MYO3A: variants seen among roughly 807,000 people sequenced by gnomAD.
MYO3A encodes the protein myosin IIIA.
MYO3A carries 180 observed loss-of-function variants against 192.7 expected under a neutral mutation model. The ratio of observed to expected loss-of-function variants is 0.93; its 90% CI spans 0.83 to 1.06. The LOEUF (loss-of-function observed/expected upper bound fraction) is 1.06, where lower values mean the gene tolerates loss of function less well. Ranked by LOEUF, MYO3A falls within the 50% of genes least tolerant of loss-of-function variation. The pLI is 0.00. For missense variants in MYO3A, 1,896 were observed against 1,905.0 expected, an observed-to-expected ratio of 1.00 and a Z score of 0.09; for synonymous variants, 628 against 645.3, an observed-to-expected ratio of 0.97 and a Z score of 0.41.
chr10:26,089,438 A>C (rs1179476633), intron 15 of MYO3A, among the ~76,000 whole-genome samples: 1 of 152,052 alleles, frequency 6.6e-6, no homozygotes, highest in Admixed American at 6.5e-5. Context: ...CATCTCTACT[A>C]AAAATACAAA....
intron 31 of MYO3A, among the ~76,000 whole-genome samples, chr10:26,179,874 C>A (rs1466465382): frequency 3.3e-5 from 5 of 152,184 alleles, no homozygotes; most frequent in Non-Finnish European, 7.3e-5. Context: ...CACTCTTTCA[C>A]CCAGGCTGGA....
In MYO3A at chr10:26,168,879, T is replaced by A; in HGVS notation, c.3274+5T>A. 6.2e-7 allele frequency: 1 copy of A among 1,606,098 alleles called. No homozygotes were observed. The highest frequency in any genetic ancestry group is 8.5e-7 in the Non-Finnish European group (1 of 1,175,642). On this transcript the variant is annotated splice_donor_5th_base_variant and intron_variant, in intron 28 of 34. Coordinates refer to ENST00000642920, the MANE Select transcript of MYO3A (RefSeq NM_017433.5). ...GCGCTATAATAATACAGTCAGGTAA[T>A]CTCTTTGACATATTTAGATATGGTC...
Position 26,023,964 on chromosome 10 carries a change from C to G in MYO3A, c.732-58C>G, listed in dbSNP as rs1842429647. 7 of 1,490,460 alleles carry G rather than the reference C, an allele frequency of 4.7e-6. No individual in the cohort carries two copies. In the Admixed American group the frequency reaches 1.2e-4, roughly 25 times the overall value. The allele number at this position is 1,490,460 out of a possible 1,614,324, so 92.3% of individuals were successfully genotyped here. Reference sequence around the variant, plus strand: ...TGCATTAGTCTATCTGGCTCTGCCTCTCATTTTACACTGACTGACCAATAT... The same window carrying G: ...TGCATTAGTCTATCTGGCTCTGCCTGTCATTTTACACTGACTGACCAATAT... On this transcript the variant is annotated intron_variant, in intron 8 of 34. Transcript: ENST00000642920.
intron 31 of MYO3A, among the ~76,000 whole-genome samples, chr10:26,185,809 G>T (rs1444179030): frequency 6.6e-6 from 1 of 152,020 alleles, no homozygotes; most frequent in Non-Finnish European, 1.5e-5. Context: ...ATACATGTAG[G>T]TGTATATATA....
At chr10:26,115,142 A>G (rs1838424243) in intron 17 of MYO3A, among the ~76,000 whole-genome samples, 2 of 152,184 alleles carry the variant, frequency 1.3e-5, no homozygotes, top group Non-Finnish European at 2.9e-5. Flanking sequence ...CTAGGGGAAT[A>G]GGGGCCATTG....
intron 2 of MYO3A, among the ~76,000 whole-genome samples, chr10:25,947,935 G>A (rs1364445421): frequency 6.6e-6 from 1 of 152,142 alleles, no homozygotes; most frequent in African/African-American, 2.4e-5. Context: ...CATAATTACA[G>A]GAAATTATGT....
chr10:26,069,451 A>G (rs1248027615), intron 12 of MYO3A, among the ~76,000 whole-genome samples: 2 of 152,022 alleles, frequency 1.3e-5, no homozygotes, highest in African/African-American at 4.8e-5. Flanking sequence ...GTTGTTTTTC[A>G]TTTTTAATTG....
intron 24 of MYO3A, among the ~76,000 whole-genome samples, chr10:26,154,164 G>A (rs1432688347): frequency 1.3e-5 from 2 of 151,866 alleles, no homozygotes; most frequent in African/African-American, 4.8e-5. Flanking sequence ...AGTTTTTGGG[G>A]GGCAGTTTTT....
intron 4 of MYO3A, among the ~76,000 whole-genome samples, chr10:25,964,696 G>A (rs1377816771): frequency 6.6e-6 from 1 of 152,040 alleles, no homozygotes; most frequent in Non-Finnish European, 1.5e-5. Flanking sequence ...AGTAAGTTTT[G>A]TACCATCAGA....
chr10:26,186,266 C>CTTTTT (rs35154545), intron 31 of MYO3A, among the ~76,000 whole-genome samples: 6 of 129,724 alleles, frequency 4.6e-5, no homozygotes, highest in Non-Finnish European at 4.9e-5. Flanking sequence ...TGATATCCTT[C>CTTTTT]TTTTTTTTTT....
intron 29 of MYO3A, among the ~76,000 whole-genome samples, chr10:26,171,799 C>T (rs1212486079): frequency 1.3e-5 from 2 of 152,080 alleles, no homozygotes; most frequent in Admixed American, 6.6e-5. Flanking sequence ...GGCTGCAAAT[C>T]GAAGAAAGAT....
At chr10:25,956,867 T>C (rs1021296219) in intron 4 of MYO3A, among the ~76,000 whole-genome samples, 4 of 152,110 alleles carry the variant, frequency 2.6e-5, no homozygotes, top group African/African-American at 7.2e-5. Context: ...CCATTAGTTA[T>C]TTTTCCTGAT....
chr10:26,201,227 A>G (rs1222293657), intron 32 of MYO3A, 38 bp from the exon 33 acceptor site: 4 of 1,217,694 alleles, frequency 3.3e-6, no homozygotes, highest in Non-Finnish European at 4.6e-6. Flanking sequence ...TTAAGATCAT[A>G]ATATTATATA....
chr10:26,060,128 G>T (rs142439914), intron 10 of MYO3A, among the ~76,000 whole-genome samples: 1 of 151,870 alleles, frequency 6.6e-6, no homozygotes, highest in Non-Finnish European at 1.5e-5. Context: ...GTATGGTGGC[G>T]CATGCCTGTA....
At chr10:26,064,612 C>T in intron 10 of MYO3A, among the ~76,000 whole-genome samples, 1 of 152,098 alleles carries the variant, frequency 6.6e-6, no homozygotes, top group South Asian at 2.1e-4. Context: ...GTAAAGATGG[C>T]AGCAGGCAAA....
chr10:26,092,941 T>C (rs1004828693), intron 15 of MYO3A, among the ~76,000 whole-genome samples: 2 of 152,188 alleles, frequency 1.3e-5, no homozygotes, highest in African/African-American at 4.8e-5. Flanking sequence ...ACTTTCTGAT[T>C]GTCCGCTGAA....
At chr10:26,001,394 C>T (rs1331166551) in intron 6 of MYO3A, among the ~76,000 whole-genome samples, 1 of 152,130 alleles carries the variant, frequency 6.6e-6, no homozygotes, top group Admixed American at 6.5e-5. Context: ...GGTGGGTGTA[C>T]AGTGAGGCAC....
intron 6 of MYO3A, among the ~76,000 whole-genome samples, chr10:26,015,414 TC>T (rs1156746392): frequency 6.6e-6 from 1 of 152,186 alleles, no homozygotes; most frequent in Non-Finnish European, 1.5e-5. Flanking sequence ...ATATTTTGGA[TC>T]CCTGTTGCCT....
At chr10:26,167,387 G>A (rs572929605) in intron 27 of MYO3A, among the ~76,000 whole-genome samples, 1 of 152,204 alleles carries the variant, frequency 6.6e-6, no homozygotes, top group Admixed American at 6.5e-5. Flanking sequence ...CATTAAAAAT[G>A]AGTATTTTAT....
Sources: gnomAD v4.1 joint callset for allele counts (sites outside exome capture counted in the v4.1 genomes callset) on GRCh38, gnomAD v4.1.1 for gene constraint, MANE v1.5 for transcripts, NCBI Gene and HGNC (gene_info 2026-07-23, HGNC 2026-07-21) for gene names.